DMD: variants seen among roughly 807,000 people sequenced by gnomAD.
The protein encoded by DMD is mutant dystrophin.
A neutral mutation model predicts 330.1 loss-of-function variants in DMD; 63 were observed. That is an observed-to-expected ratio of 0.19 (90% CI 0.16 to 0.24). The LOEUF is 0.24. Ranked by LOEUF, DMD falls within the 10% of genes least tolerant of loss-of-function variation. The pLI, the probability that DMD is intolerant of heterozygous loss-of-function variation, is 1.00. For synonymous variants in DMD, 1,223 were observed against 959.8 expected (o/e 1.27, Z -5.07); for missense variants, 3,344 against 2,684.1 (o/e 1.25, Z -5.43).
intron 62 of DMD, among the ~76,000 whole-genome samples, chrX:31,265,798 T>TG (rs2050998488): frequency 1.9e-4 from 1 of 5,356 alleles, no homozygotes. Context: ...GGGGGGGGGG[T>TG]GGGTGACAAG....
At chrX:31,307,499 G>A (rs2148141927) in intron 62 of DMD, among the ~76,000 whole-genome samples, 1 of 111,387 alleles carries the variant, frequency 9.0e-6, no homozygotes, top group African/African-American at 3.3e-5. Context: ...ATGGCTTGAG[G>A]ACTAAGAGTA....
chrX:31,573,890 A>G (rs2075954809), intron 55 of DMD, among the ~76,000 whole-genome samples: 1 of 110,965 alleles, frequency 9.0e-6, no homozygotes, highest in African/African-American at 3.3e-5. Context: ...CTAACAACAT[A>G]CCAAGCCTTC....
chrX:32,853,024 G>T (rs775596052), intron 2 of DMD, among the ~76,000 whole-genome samples: 1 of 111,986 alleles, frequency 8.9e-6, no homozygotes, highest in African/African-American at 3.2e-5. Flanking sequence ...CTAGTAACAG[G>T]CTTCTCAGCA....
At chrX:32,565,109 C>A (rs2051535372) in intron 16 of DMD, among the ~76,000 whole-genome samples, 2 of 111,314 alleles carry the variant, frequency 1.8e-5, no homozygotes, top group South Asian at 7.5e-4. Flanking sequence ...AAACCACATA[C>A]CCCAAATGTA....
chrX:32,701,553 T>C (rs1189305410), intron 7 of DMD, among the ~76,000 whole-genome samples: 1 of 111,677 alleles, frequency 9.0e-6, no homozygotes, highest in Non-Finnish European at 1.9e-5. Context: ...GTAGATACTA[T>C]ACTTCACCGT....
At chrX:31,162,760 G>C (rs889619183) in intron 74 of DMD, among the ~76,000 whole-genome samples, 6 of 111,771 alleles carry the variant, frequency 5.4e-5, no homozygotes, top group Non-Finnish European at 1.1e-4. Flanking sequence ...TTAGGATAAA[G>C]GGAGAAATAA....
At chrX:33,066,622 A>G in intron 1 of DMD, among the ~76,000 whole-genome samples, 1 of 110,326 alleles carries the variant, frequency 9.1e-6, no homozygotes, top group Non-Finnish European at 1.9e-5. Flanking sequence ...TCCTCAGGAC[A>G]TAAGAAGCAC....
At chrX:31,974,141 A>G (rs2095419468) in intron 44 of DMD, among the ~76,000 whole-genome samples, 1 of 112,166 alleles carries the variant, frequency 8.9e-6, no homozygotes, top group Non-Finnish European at 1.9e-5. Flanking sequence ...GGCCATAATC[A>G]TAAGCAAATT....
At chrX:31,709,742 G>C (rs772204188) in intron 52 of DMD, among the ~76,000 whole-genome samples, 12 of 110,677 alleles carry the variant, frequency 1.1e-4, no homozygotes, top group Non-Finnish European at 2.1e-4. Flanking sequence ...TATTTCTTAA[G>C]AGTTCTAAAT....
chrX:31,298,572 A>G (rs904936611), intron 62 of DMD, among the ~76,000 whole-genome samples: 1 of 112,248 alleles, frequency 8.9e-6, no homozygotes, highest in Non-Finnish European at 1.9e-5. Flanking sequence ...CTACAACATG[A>G]CTAAATGAGT....
chrX:32,555,996 T>C (rs960506099), intron 16 of DMD, among the ~76,000 whole-genome samples: 3 of 111,943 alleles, frequency 2.7e-5, no homozygotes, highest in Non-Finnish European at 3.8e-5. Flanking sequence ...AAAGAACTTC[T>C]GCACAGCAAA....
At chrX:31,421,938 C>CACATATATATATATAT (rs1319394926) in intron 60 of DMD, among the ~76,000 whole-genome samples, 6 of 65,090 alleles carry the variant, frequency 9.2e-5, no homozygotes, top group Admixed American at 3.4e-4. Context: ...TATATACACA[C>CACATATATATATATAT]ACACATATAT....
intron 51 of DMD, among the ~76,000 whole-genome samples, chrX:31,761,358 AT>A (rs2089576033): frequency 9.0e-6 from 1 of 110,939 alleles, no homozygotes; most frequent in Non-Finnish European, 1.9e-5. Flanking sequence ...GGCCATGTAA[AT>A]ATTGGGGTTT....
At chrX:31,850,890 T>C (rs889028912) in intron 48 of DMD, among the ~76,000 whole-genome samples, 2 of 112,620 alleles carry the variant, frequency 1.8e-5, no homozygotes, top group East Asian at 2.8e-4. Flanking sequence ...AAGCCTTTAA[T>C]ATAAATGTGC....
intron 2 of DMD, among the ~76,000 whole-genome samples, chrX:32,883,823 CAAAAAAAAAAAAAAAAA>C (rs56150142): frequency 6.6e-5 from 2 of 30,352 alleles, no homozygotes; most frequent in Non-Finnish European, 1.1e-4. Flanking sequence ...GACTCTGTTT[CAAAAAAAAAAAAAAAAA>C]AAAAAAAAAA....
intron 53 of DMD, among the ~76,000 whole-genome samples, chrX:31,674,064 C>A (rs1178716001): frequency 8.9e-6 from 1 of 111,775 alleles, no homozygotes; most frequent in Non-Finnish European, 1.9e-5. Context: ...CATTATTGTA[C>A]CAGAAACCCA....
At chrX:32,097,555 A>G (rs1603625033) in intron 44 of DMD, among the ~76,000 whole-genome samples, 1 of 111,904 alleles carries the variant, frequency 8.9e-6, no homozygotes, top group African/African-American at 3.2e-5. Flanking sequence ...TATCCTAAGG[A>G]AAAGTATACT....
chrX:31,958,112 TTTTTTTTTAA>T (rs2095265234), intron 45 of DMD, among the ~76,000 whole-genome samples: 1 of 103,862 alleles, frequency 9.6e-6, no homozygotes, highest in South Asian at 4.6e-4. Context: ...TTTTTTTTTT[TTTTTTTTTAA>T]AAATGGTACA....
chrX:33,090,897 T>A (rs1403299196), intron 1 of DMD, among the ~76,000 whole-genome samples: 1 of 111,210 alleles, frequency 9.0e-6, no homozygotes. Context: ...AGGTATTCTT[T>A]TCTATTTTAA....
Sources: gnomAD v4.1 joint callset for allele counts (sites outside exome capture counted in the v4.1 genomes callset) on GRCh38, gnomAD v4.1.1 for gene constraint, MANE v1.5 for transcripts, NCBI Gene and HGNC (gene_info 2026-07-23, HGNC 2026-07-21) for gene names.